Variants in CLASP1 observed in about 807,000 individuals in gnomAD.
CLASP1 encodes CLIP-associating protein 1.
In CLASP1, 38 loss-of-function variants were observed where a neutral mutation model predicts 192.3. That is an observed-to-expected ratio of 0.20 (90% confidence interval 0.15 to 0.26). The LOEUF is 0.26. Among genes scored for constraint, CLASP1 ranks in the 10% least tolerant of loss-of-function variants. The pLI is 1.00. For missense variants in CLASP1, 1,433 were observed against 1,932.5 expected (o/e 0.74, Z 4.85); for synonymous variants, 691 against 712.8 (o/e 0.97, Z 0.49).
chr2:121,494,934 A>C (rs1430301272), intron 8 of CLASP1, among the ~76,000 whole-genome samples: 2 of 152,116 alleles, frequency 1.3e-5, no homozygotes, highest in African/African-American at 4.8e-5. Context: ...AGGCAGAAGA[A>C]TCACTTGAAC....
chr2:121,579,211 C>T (rs767398690), intron 2 of CLASP1, among the ~76,000 whole-genome samples: 8 of 152,220 alleles, frequency 5.3e-5, no homozygotes, highest in African/African-American at 7.2e-5. Context: ...CAGGCTTCTC[C>T]GTAATTTACT....
At chr2:121,458,118 G>A (rs2087082408) in intron 13 of CLASP1, among the ~76,000 whole-genome samples, 1 of 152,046 alleles carries the variant, frequency 6.6e-6, no homozygotes, top group African/African-American at 2.4e-5. Flanking sequence ...AATGACCTTG[G>A]GTTTAACAGT....
At chr2:121,555,066 G>A (rs990050151) in intron 2 of CLASP1, among the ~76,000 whole-genome samples, 2 of 152,160 alleles carry the variant, frequency 1.3e-5, no homozygotes, top group African/African-American at 2.4e-5. Context: ...GAGAGTTGTG[G>A]GTGGAAAGCA....
At chr2:121,437,776 C>T (rs1386841895) in intron 19 of CLASP1, among the ~76,000 whole-genome samples, 1 of 152,178 alleles carries the variant, frequency 6.6e-6, no homozygotes, top group Non-Finnish European at 1.5e-5. Context: ...GCACAATCAT[C>T]ACATCAAATG....
rs536006374 is a variant in CLASP1, at chr2:121,417,834, GTA to G, written c.2320+786_2320+787del. Among the ~76,000 whole-genome samples, 341 of 152,304 alleles carry G rather than the reference GTA, an allele frequency of 2.2e-3. 1 individual carries two copies. Among genetic ancestry groups the G allele is most frequent in the African/African-American group, 7.8e-3 (323 of 41,572 alleles). On this transcript the variant is annotated intron_variant, in intron 23 of 39. Coordinates refer to ENST00000263710, the Ensembl canonical transcript of CLASP1. ...TAACATCCCTCTTTCGTAGTGGCAT[GTA>G]TAGTTTTCAAAAGACCAGTTACATA...
chr2:121,490,532 G>C (rs879823648), intron 8 of CLASP1, among the ~76,000 whole-genome samples: 7 of 152,194 alleles, frequency 4.6e-5, no homozygotes, highest in Non-Finnish European at 7.3e-5. Context: ...TCATTTAAGA[G>C]AGTCTTCTTT....
rs552113694 is a variant in CLASP1 at position 121,626,139 on chromosome 2, T to C, written c.-285-19959A>G. Among the ~76,000 whole-genome samples, 15 of 151,280 alleles carry C rather than the reference T, an allele frequency of 9.9e-5. No individual in the cohort carries two copies. The East Asian group carries it at 2.9e-3, about 29-fold the overall frequency. On this transcript the variant is annotated intron_variant, in intron 1 of 39. Transcript: ENST00000263710. ...AGAGAAGAGGACATCTGATATGTCA[T>C]TTGATACAGTATGACAGCTGACATG...
chr2:121,462,174 A>G (rs2088171272), intron 10 of CLASP1, among the ~76,000 whole-genome samples: 1 of 152,068 alleles, frequency 6.6e-6, no homozygotes, highest in African/African-American at 2.4e-5. Context: ...ACCATTCTCC[A>G]TAACTTTTCA....
chr2:121,437,611 A>T (rs1456311991), intron 19 of CLASP1, among the ~76,000 whole-genome samples: 1 of 152,210 alleles, frequency 6.6e-6, no homozygotes, highest in East Asian at 1.9e-4. Context: ...TTTTGGTTGC[A>T]CATTCTCGAG....
intron 2 of CLASP1, among the ~76,000 whole-genome samples, chr2:121,554,674 G>A (rs1025934298): frequency 6.6e-6 from 1 of 152,104 alleles, no homozygotes; most frequent in Non-Finnish European, 1.5e-5. Context: ...TATAGGAAAT[G>A]TCCAGAAAGG....
intron 2 of CLASP1, among the ~76,000 whole-genome samples, chr2:121,535,905 G>A (rs982341695): frequency 3.3e-5 from 5 of 151,760 alleles, no homozygotes; most frequent in African/African-American, 4.8e-5. Flanking sequence ...CAAGCGATCC[G>A]ACTGTGTTGG....
At chr2:121,445,517 C>A in intron 19 of CLASP1, 1 of 1,279,468 alleles carries the variant, frequency 7.8e-7, no homozygotes, top group Non-Finnish European at 1.0e-6. Flanking sequence ...GGAAAAGGAT[C>A]ATCAGCTTTA....
chr2:121,530,792 A>G, intron 2 of CLASP1: 1 of 593,876 alleles, frequency 1.7e-6, no homozygotes, highest in East Asian at 2.8e-5. Context: ...TAGCTACCAG[A>G]CCGACTAGGG....
chr2:121,569,209 A>G (rs2059772352), intron 2 of CLASP1, among the ~76,000 whole-genome samples: 1 of 152,194 alleles, frequency 6.6e-6, no homozygotes, highest in South Asian at 2.1e-4. Flanking sequence ...AAAGTAATTG[A>G]CTGAGGGTAG....
intron 2 of CLASP1, among the ~76,000 whole-genome samples, chr2:121,593,625 T>G (rs544043238): frequency 1.2e-3 from 52 of 42,082 alleles, no homozygotes; most frequent in Admixed American, 0.012. Flanking sequence ...AAACTCCGTC[T>G]CAAAAAAAAA....
chr2:121,478,985 A>C (rs1575287548), intron 8 of CLASP1, among the ~76,000 whole-genome samples: 7 of 46,934 alleles, frequency 1.5e-4, no homozygotes, highest in Admixed American at 1.3e-3. Flanking sequence ...CACACACACC[A>C]CACACCCCAC....
At chr2:121,370,003 G>T (rs1225840126) in intron 34 of CLASP1, among the ~76,000 whole-genome samples, 1 of 152,100 alleles carries the variant, frequency 6.6e-6, no homozygotes, top group Non-Finnish European at 1.5e-5. Context: ...AGTATTAAAT[G>T]TTGTAATTTC....
rs538200401 is a variant in CLASP1, at chr2:121,352,144, G to C, written c.4207-3426C>G. On this transcript the variant is annotated intron_variant, in intron 37 of 39. Coordinates refer to ENST00000263710, the Ensembl canonical transcript of CLASP1. ...CTGATGCACTTCTTGTGGGTGGCCA[G>C]GATTAGATGGGAGGAGGAAGGAGCA... 2.0e-3 allele frequency among the ~76,000 whole-genome samples: 310 copies of C among 152,360 alleles called. 1 individual carries two copies. The highest frequency in any genetic ancestry group is 6.0e-3 in the African/African-American group (250 of 41,584).
intron 2 of CLASP1, among the ~76,000 whole-genome samples, chr2:121,536,256 C>A (rs1226002954): frequency 1.3e-5 from 2 of 151,542 alleles, no homozygotes; most frequent in African/African-American, 4.8e-5. Context: ...TGACGGGCAC[C>A]TGTAGTCCCA....
Sources: allele counts gnomAD v4.1 joint callset (sites outside exome capture counted in the v4.1 genomes callset), GRCh38; gene constraint gnomAD v4.1.1; transcripts MANE v1.5; gene names NCBI Gene and HGNC (gene_info 2026-07-23, HGNC 2026-07-21).